Variants in MCUB observed in about 807,000 individuals in gnomAD.
MCUB encodes the protein mitochondrial calcium uniporter dominant negative subunit beta, also known as calcium uniporter regulatory subunit MCUb, mitochondrial.
In MCUB, 46 loss-of-function variants were observed where a neutral mutation model predicts 41.4. That is an observed-to-expected ratio of 1.11 (90% CI 0.88 to 1.42). The LOEUF is 1.42. Among genes scored for constraint, MCUB ranks in the 40% most tolerant of loss-of-function variants. The pLI, the probability that MCUB is intolerant of heterozygous loss-of-function variation, is 0.00. For missense variants in MCUB, 403 were observed against 404.9 expected, an observed-to-expected ratio of 1.00 and a Z score of 0.04; for synonymous variants, 148 against 148.2, an observed-to-expected ratio of 1.00 and a Z score of 0.01.
At chr4:109,671,420 C>A (rs1409038501) in intron 4 of MCUB, among the ~76,000 whole-genome samples, 2 of 151,898 alleles carry the variant, frequency 1.3e-5, no homozygotes, top group Non-Finnish European at 2.9e-5. Flanking sequence ...TTTTTCCATT[C>A]TTTTTTCTCT....
intron 1 of MCUB, among the ~76,000 whole-genome samples, chr4:109,641,185 C>T (rs142210485): frequency 1.1e-4 from 16 of 152,008 alleles, no homozygotes; most frequent in Admixed American, 4.6e-4. Context: ...CTTCGCCTCC[C>T]GGGTTCACGC....
intron 1 of MCUB, among the ~76,000 whole-genome samples, chr4:109,584,054 A>G (rs1342739625): frequency 1.3e-5 from 2 of 152,182 alleles, no homozygotes; most frequent in African/African-American, 4.8e-5. Context: ...CTCTGGTAGA[A>G]TTCAGCTGTG....
At chr4:109,646,427 A>G (rs895621099) in intron 1 of MCUB, among the ~76,000 whole-genome samples, 1 of 152,008 alleles carries the variant, frequency 6.6e-6, no homozygotes, top group Non-Finnish European at 1.5e-5. Flanking sequence ...GCTTCTCTCC[A>G]TTTTTATTGT....
rs143734737 is a variant in MCUB at position 109,564,689 on chromosome 4, A to G, written c.99+4253A>G. The stretch of plus-strand genomic sequence containing the variant: ...TTAAGGTAAAAATTATGTAAAATCA[A>G]CACATCTGGAAGTTTATGACACAGG... On this transcript the variant is annotated intron_variant, in intron 1 of 7. Coordinates refer to ENST00000394650, the MANE Select transcript of MCUB (RefSeq NM_017918.5). Among the ~76,000 whole-genome samples the G allele has an allele frequency of 1.9e-3, 293 of 152,338 alleles. 2 individuals are homozygous for G. Among genetic ancestry groups the G allele is most frequent in the African/African-American group, 6.8e-3 (284 of 41,582 alleles).
At chr4:109,640,101 C>G (rs184404209) in intron 1 of MCUB, among the ~76,000 whole-genome samples, 28 of 152,282 alleles carry the variant, frequency 1.8e-4, no homozygotes, top group African/African-American at 6.7e-4. Flanking sequence ...AGTTTGTGGG[C>G]AGGGGGTGGA....
intron 1 of MCUB, among the ~76,000 whole-genome samples, chr4:109,598,488 C>G (rs999571789): frequency 4.6e-5 from 7 of 151,708 alleles, no homozygotes; most frequent in Admixed American, 6.6e-5. Context: ...CGCAGGCACT[C>G]GGCAGGCTGA....
At chr4:109,675,982 A>G (rs1466480674) in intron 4 of MCUB, among the ~76,000 whole-genome samples, 1 of 152,248 alleles carries the variant, frequency 6.6e-6, no homozygotes, top group Non-Finnish European at 1.5e-5. Context: ...ATATTCTGCT[A>G]TTGCAGCAGA....
intron 1 of MCUB, among the ~76,000 whole-genome samples, chr4:109,646,265 A>G (rs1430512094): frequency 6.6e-6 from 1 of 152,160 alleles, no homozygotes. Flanking sequence ...TTGATCTAGA[A>G]CAAAACTCTT....
chr4:109,569,994 A>T (rs1726876612), intron 1 of MCUB, among the ~76,000 whole-genome samples: 1 of 152,208 alleles, frequency 6.6e-6, no homozygotes, highest in Non-Finnish European at 1.5e-5. Context: ...CATGTAATGC[A>T]TGTTATAGAG....
intron 1 of MCUB, among the ~76,000 whole-genome samples, chr4:109,574,973 T>C (rs978633551): frequency 6.6e-5 from 10 of 151,978 alleles, no homozygotes; most frequent in African/African-American, 2.2e-4. Context: ...TTAGACTGAG[T>C]AGAAAGAAAG....
At chr4:109,592,615 T>C (rs987761646) in intron 1 of MCUB, among the ~76,000 whole-genome samples, 9 of 152,176 alleles carry the variant, frequency 5.9e-5, no homozygotes, top group African/African-American at 2.2e-4. Context: ...CTATATTTAA[T>C]CATTTACTCC....
chr4:109,630,344 C>T (rs138184800), intron 1 of MCUB, among the ~76,000 whole-genome samples: 14 of 152,098 alleles, frequency 9.2e-5, no homozygotes, highest in East Asian at 7.7e-4. Context: ...AGCCTGTAGT[C>T]GCAGCTACTC....
intron 1 of MCUB, among the ~76,000 whole-genome samples, chr4:109,627,826 T>C (rs1385995400): frequency 2.0e-5 from 3 of 150,646 alleles, no homozygotes; most frequent in Admixed American, 2.0e-4. Context: ...GTCAGGAGAA[T>C]CAATTGAACC....
Position 109,560,402 on chromosome 4 carries a change from C to G in MCUB, c.65C>G (p.Pro22Arg), listed in dbSNP as rs1394702453. Residue 22 changes from proline to arginine, a missense_variant, in exon 1 of 8, where the codon CCA becomes CGA. Pro to Arg is a moderately radical substitution (Grantham distance 103). Coordinates refer to ENST00000394650, the MANE Select transcript of MCUB (RefSeq NM_017918.5). ...RLLPTPGTWRPARPWPLPPPP... is the reference protein window; with the variant it reads ...RLLPTPGTWRRARPWPLPPPP... Reference sequence around the variant, plus strand: ...CTGCCGACCCCTGGCACCTGGCGCCCAGCGCGCCCGTGGCCGCTGCCGCCT... The same window carrying G: ...CTGCCGACCCCTGGCACCTGGCGCCGAGCGCGCCCGTGGCCGCTGCCGCCT... 1 of 1,320,698 alleles carries G rather than the reference C, an allele frequency of 7.6e-7. No individual in the cohort carries two copies. The highest frequency in any genetic ancestry group is 9.7e-7 in the Non-Finnish European group (1 of 1,035,240). 81.8% of individuals were successfully genotyped at this position (1,320,698 alleles called of 1,614,324 possible).
chr4:109,597,615 G>C (rs1727601225), intron 1 of MCUB, among the ~76,000 whole-genome samples: 1 of 143,336 alleles, frequency 7.0e-6, no homozygotes, highest in Non-Finnish European at 1.5e-5. Flanking sequence ...TCCCGGATGG[G>C]GCAGCTGGCC....
At chr4:109,686,335 C>T (rs1033684469) in intron 7 of MCUB, among the ~76,000 whole-genome samples, 8 of 152,222 alleles carry the variant, frequency 5.3e-5, no homozygotes, top group Non-Finnish European at 1.0e-4. Context: ...GACAGAGTTC[C>T]ACTATGTTGT....
At chr4:109,560,500 C>T (rs972766625) in intron 1 of MCUB, 64 bp downstream of exon 1, 2 of 782,914 alleles carry the variant, frequency 2.6e-6, no homozygotes, top group Non-Finnish European at 3.5e-6. Flanking sequence ...CGTTGGACAA[C>T]TTTGGCGGGA....
chr4:109,593,959 G>C (rs1392311719), intron 1 of MCUB, among the ~76,000 whole-genome samples: 7 of 152,188 alleles, frequency 4.6e-5, no homozygotes, highest in Non-Finnish European at 1.0e-4. Flanking sequence ...ATATAGTCCA[G>C]TCAGTCCAAG....
chr4:109,659,069 C>A lies in MCUB; in HGVS notation c.158C>A (p.Thr53Asn). 1 of 1,518,146 alleles carries A rather than the reference C, an allele frequency of 6.6e-7. No homozygotes were observed. Among genetic ancestry groups the A allele is most frequent in the Non-Finnish European group, 9.0e-7 (1 of 1,116,480 alleles). 94.0% of individuals were successfully genotyped at this position (1,518,146 alleles called of 1,614,324 possible). A position where few individuals can be genotyped will look rare whatever the true frequency, so the allele number is the denominator to read the frequency against. Residue 53 changes from threonine (T) to asparagine (N), a missense_variant, in exon 2 of 8, where the codon ACC becomes AAC. By Grantham distance (65) the Thr-to-Asn change is moderately conservative (BLOSUM62 0). Coordinates refer to ENST00000394650, the MANE Select transcript of MCUB (RefSeq NM_017918.5). ...TACTACCAGTCACACCATTATAGTA[C>A]CGTGGTGCCACCTGATGGTAAGCTT... Reference protein sequence around the residue: ...VKYYQSHHYSTVVPPDEITVI... With the variant: ...VKYYQSHHYSNVVPPDEITVI...
Sources: allele counts gnomAD v4.1 joint callset (sites outside exome capture counted in the v4.1 genomes callset), GRCh38; gene constraint gnomAD v4.1.1; transcripts MANE v1.5; gene names NCBI Gene and HGNC (gene_info 2026-07-23, HGNC 2026-07-21).